The following LHFPL3 variants were observed in gnomAD, a reference collection of about 807,000 sequenced individuals.
LHFPL3 encodes LHFPL tetraspan subfamily member 3, also known as LHFPL tetraspan subfamily member 3 protein.
A neutral mutation model predicts 19.3 loss-of-function variants in LHFPL3; 5 were observed. The observed-to-expected ratio is 0.26, with a 90% CI of 0.14 to 0.54. The LOEUF is 0.54. Among genes scored for constraint, LHFPL3 ranks in the 20% least tolerant of loss-of-function variants. The pLI, the probability that LHFPL3 is intolerant of heterozygous loss-of-function variation, is 0.94. For synonymous variants in LHFPL3, 133 were observed against 126.2 expected (o/e 1.05, Z -0.36); for missense variants, 249 against 307.4 (o/e 0.81, Z 1.42).
chr7:104,849,802 CT>C (rs1204861838), intron 2 of LHFPL3, among the ~76,000 whole-genome samples: 1 of 152,244 alleles, frequency 6.6e-6, no homozygotes, highest in African/African-American at 2.4e-5. Context: ...TGGGGCAGGA[CT>C]CTCCCTGGAA....
chr7:104,590,881 G>C (rs571355095), intron 1 of LHFPL3, among the ~76,000 whole-genome samples: 75 of 152,050 alleles, frequency 4.9e-4, no homozygotes, highest in African/African-American at 1.6e-3. Flanking sequence ...CCTTCTTTGT[G>C]TCTTTTGATC....
At position 104,894,881 on chromosome 7, in the gene LHFPL3, A is replaced by C. The variant is rs562534802; in HGVS notation, c.683-11306A>C. 3 of 152,304 alleles carry C rather than the reference A, an allele frequency of 2.0e-5. No homozygotes were observed. In the South Asian group the frequency reaches 6.2e-4, roughly 32 times the overall value. The allele number at this position is 152,304 out of a possible 1,614,324, so 9.4% of individuals were successfully genotyped here. On this transcript the variant is annotated intron_variant, in intron 2 of 2. Transcript: ENST00000424859. ...GCCACATCTAGGAAGTAGCCAACCC[A>C]GGATCCAAACTTTTATCTGGCTGCT...
chr7:104,731,521 G>A (rs890310812), intron 1 of LHFPL3, among the ~76,000 whole-genome samples: 1 of 152,106 alleles, frequency 6.6e-6, no homozygotes, highest in East Asian at 1.9e-4. Flanking sequence ...TCGGCTCTAT[G>A]TTTGTCTGTT....
intron 2 of LHFPL3, among the ~76,000 whole-genome samples, chr7:104,834,096 C>A (rs1584564739): frequency 1.3e-5 from 2 of 150,916 alleles, no homozygotes; most frequent in South Asian, 4.2e-4. Context: ...TCACGTTTTT[C>A]TGCCTGTTTA....
At chr7:104,728,578 A>C (rs915453113) in intron 1 of LHFPL3, among the ~76,000 whole-genome samples, 1 of 152,094 alleles carries the variant, frequency 6.6e-6, no homozygotes, top group Non-Finnish European at 1.5e-5. Context: ...TTTTCAGTCT[A>C]TTTTTGGCCT....
chr7:104,698,106 C>T lies in LHFPL3; in HGVS notation c.446-38569C>T, dbSNP rs150248000. Among the ~76,000 whole-genome samples, 108 of 152,286 alleles carry T rather than the reference C, an allele frequency of 7.1e-4. 3 individuals are homozygous for T. The East Asian group carries it at 0.019, about 26-fold the overall frequency. ...CTCAGCAGTCAGGCCTCATTTCAGT[C>T]AGGGCCTTAGTGTGGAGCAGCTTCC... On this transcript the variant is annotated intron_variant, in intron 1 of 2. Transcript: ENST00000424859.
intron 1 of LHFPL3, among the ~76,000 whole-genome samples, chr7:104,578,634 C>T (rs1790393269): frequency 6.6e-6 from 1 of 152,180 alleles, no homozygotes; most frequent in African/African-American, 2.4e-5. Context: ...GGTGTCCAGT[C>T]CTGAGCACTG....
At chr7:104,562,269 G>A (rs1422217289) in intron 1 of LHFPL3, among the ~76,000 whole-genome samples, 1 of 151,706 alleles carries the variant, frequency 6.6e-6, no homozygotes, top group South Asian at 2.1e-4. Context: ...ATAATATCCT[G>A]CAGAGTGTTT....
intron 1 of LHFPL3, among the ~76,000 whole-genome samples, chr7:104,332,573 T>C (rs907390896): frequency 3.3e-5 from 5 of 152,198 alleles, no homozygotes; most frequent in Non-Finnish European, 7.3e-5. Flanking sequence ...TGAAACAGAC[T>C]TCTTATGATA....
chr7:104,456,288 GC>G (rs1253079556), intron 1 of LHFPL3, among the ~76,000 whole-genome samples: 2 of 152,140 alleles, frequency 1.3e-5, no homozygotes, highest in African/African-American at 4.8e-5. Context: ...ATTTTAGGTT[GC>G]CTAGAAGTTT....
chr7:104,572,676 A>G (rs942962808), intron 1 of LHFPL3, among the ~76,000 whole-genome samples: 4 of 152,214 alleles, frequency 2.6e-5, no homozygotes, highest in African/African-American at 7.2e-5. Context: ...AGCTATCTCA[A>G]AAATGCTCTG....
chr7:104,377,767 C>T (rs545386379), intron 1 of LHFPL3, among the ~76,000 whole-genome samples: 83 of 152,176 alleles, frequency 5.5e-4, no homozygotes, highest in Non-Finnish European at 9.1e-4. Flanking sequence ...TACATAACCC[C>T]TGGGAAGGAC....
intron 1 of LHFPL3, among the ~76,000 whole-genome samples, chr7:104,517,009 G>A (rs376706588): frequency 3.9e-5 from 6 of 152,072 alleles, no homozygotes; most frequent in Admixed American, 1.3e-4. Context: ...GGATGGAGCC[G>A]GAGGTCAATA....
intron 1 of LHFPL3, among the ~76,000 whole-genome samples, chr7:104,605,570 A>G (rs1791078154): frequency 6.6e-6 from 1 of 152,216 alleles, no homozygotes; most frequent in African/African-American, 2.4e-5. Flanking sequence ...CCATGTGCAC[A>G]CATACACACT....
chr7:104,762,850 T>C lies in LHFPL3; in HGVS notation c.682+25939T>C, dbSNP rs1375534651. ...GGCTAAGCAAATGACTCAAATTCTA[T>C]GCTCTTTCCAAGACCCCACGCAAGC... On this transcript the variant is annotated intron_variant, in intron 2 of 2. Coordinates refer to ENST00000424859, the MANE Select transcript of LHFPL3 (RefSeq NM_199000.3). Among the ~76,000 whole-genome samples the C allele has an allele frequency of 6.6e-5, 10 of 152,202 alleles. No individual in the cohort carries two copies. In the East Asian group the frequency reaches 1.9e-3, roughly 29 times the overall value.
intron 1 of LHFPL3, among the ~76,000 whole-genome samples, chr7:104,348,138 G>A (rs1790107626): frequency 6.6e-6 from 1 of 152,306 alleles, no homozygotes; most frequent in Non-Finnish European, 1.5e-5. Context: ...TGTAATCCCA[G>A]AACTTTGGAA....
intron 2 of LHFPL3, among the ~76,000 whole-genome samples, chr7:104,839,899 T>A (rs564839255): frequency 2.0e-5 from 3 of 152,054 alleles, no homozygotes; most frequent in African/African-American, 7.2e-5. Flanking sequence ...AGTCAGGAGG[T>A]CTACCACTAA....
chr7:104,659,593 A>G (rs1792186006), intron 1 of LHFPL3, among the ~76,000 whole-genome samples: 1 of 152,136 alleles, frequency 6.6e-6, no homozygotes, highest in Admixed American at 6.5e-5. Flanking sequence ...GGATTAGGGG[A>G]ATGATTTGAG....
At chr7:104,465,706 A>G (rs1792767749) in intron 1 of LHFPL3, among the ~76,000 whole-genome samples, 1 of 152,178 alleles carries the variant, frequency 6.6e-6, no homozygotes, top group African/African-American at 2.4e-5. Flanking sequence ...AACTGCCCCC[A>G]TGATTAAATT....
Sources: allele counts gnomAD v4.1 joint callset (sites outside exome capture counted in the v4.1 genomes callset), GRCh38; gene constraint gnomAD v4.1.1; transcripts MANE v1.5; gene names NCBI Gene and HGNC (gene_info 2026-07-23, HGNC 2026-07-21).